POLR2F: variants seen among roughly 807,000 people sequenced by gnomAD.
The protein encoded by POLR2F is DNA-directed RNA polymerases I, II, and III subunit RPABC2.
Under a neutral mutation model 22.7 loss-of-function variants are expected in POLR2F, and 12 were observed. The observed-to-expected ratio is 0.53, with a 90% confidence interval of 0.34 to 0.86. The LOEUF is 0.86. Among genes scored for constraint, POLR2F ranks in the 40% least tolerant of loss-of-function variants. The pLI is 0.02. For missense variants in POLR2F, 126 were observed against 171.5 expected, an observed-to-expected ratio of 0.73 and a Z score of 1.48; for synonymous variants, 57 against 66.0, an observed-to-expected ratio of 0.86 and a Z score of 0.66.
rs1487796737 is a variant in POLR2F at position 37,978,165 on chromosome 22, G to A, written c.293+10995G>A. The A allele has an allele frequency of 2.6e-6, 4 of 1,513,544 alleles. No homozygotes were observed. The highest frequency in any genetic ancestry group is 3.5e-6 in the Non-Finnish European group (4 of 1,131,514). The allele number at this position is 1,513,544 out of a possible 1,614,324, so 93.8% of individuals were successfully genotyped here. A position where few individuals can be genotyped will look rare whatever the true frequency, so the allele number is the denominator to read the frequency against. On this transcript the variant is annotated intron_variant, in intron 4 of 4. Coordinates refer to the POLR2F transcript ENST00000405557. The surrounding 1 kb of genome is among the most constrained non-coding windows in gnomAD (Gnocchi z 5.0). ...GGTGTGGTGGGAGGCGGAGAGGACAGCAGAGGGGCTGGCGTGAATGCCAGA... is the reference window on the plus strand; with the variant it reads ...GGTGTGGTGGGAGGCGGAGAGGACAACAGAGGGGCTGGCGTGAATGCCAGA...
chr22:38,012,216 G>A (rs1003267793), intron 1 of POLR2F, among the ~76,000 whole-genome samples: 1 of 151,586 alleles, frequency 6.6e-6, no homozygotes, highest in African/African-American at 2.4e-5. Context: ...CCAGTAGCTC[G>A]TATTACAGAT....
At chr22:38,028,027 C>T (rs1274778886), downstream of POLR2F, among the ~76,000 whole-genome samples, 4 of 152,150 alleles carry the variant, frequency 2.6e-5, no homozygotes, top group African/African-American at 9.7e-5. Context: ...GGGAAGGAGG[C>T]GCCACAGTCA....
Position 37,968,049 on chromosome 22 carries a change from G to T in POLR2F, c.*334G>T. The T allele has an allele frequency of 9.8e-7, 1 of 1,018,204 alleles. No individual in the cohort carries two copies. The highest frequency in any genetic ancestry group is 1.2e-6 in the Non-Finnish European group (1 of 850,606). The allele number at this position is 1,018,204 out of a possible 1,614,324, so 63.1% of individuals were successfully genotyped here. On this transcript the variant is annotated 3_prime_UTR_variant, in exon 5 of 5. Transcript: ENST00000442738. ...CAGACAGACAAGTCTTTGTGCCCAG[G>T]GAGCTGGTTGCCACGGAAACCCCCA...
At chr22:38,004,670 C>T (rs573469998) in intron 1 of POLR2F, among the ~76,000 whole-genome samples, 4 of 152,272 alleles carry the variant, frequency 2.6e-5, no homozygotes, top group South Asian at 2.1e-4. Context: ...ATAGGCTGGC[C>T]GCATTGGTTC....
At chr22:38,022,329 A>G (rs1263282493) in intron 1 of POLR2F, among the ~76,000 whole-genome samples, 1 of 151,906 alleles carries the variant, frequency 6.6e-6, no homozygotes, top group African/African-American at 2.4e-5. Flanking sequence ...AGGCGGGCGG[A>G]TCACCTGAGG....
downstream of POLR2F, chr22:38,026,709 C>T (rs985066368): frequency 2.5e-5 from 5 of 199,640 alleles, no homozygotes; most frequent in East Asian, 1.3e-4. Context: ...CCTTTAAAGG[C>T]GGAGAACAAA....
In POLR2F at chr22:38,025,251, A is replaced by G. The variant is rs550097048; in HGVS notation, c.121-618A>G. 5.9e-5 allele frequency among the ~76,000 whole-genome samples: 9 copies of G among 152,158 alleles called. No homozygotes were observed. The South Asian group carries it at 1.7e-3, about 28-fold the overall frequency. ...TGTGCACTCACTTGCTCACACACAC[A>G]CACAGGCACTCATGTACTCCCACAA... is the stretch of plus-strand genomic sequence containing the variant. On this transcript the variant is annotated intron_variant, in intron 1 of 2. Coordinates refer to the POLR2F transcript ENST00000333418.
chr22:38,029,061 T>C (rs1382319277), downstream of POLR2F, among the ~76,000 whole-genome samples: 2 of 151,798 alleles, frequency 1.3e-5, no homozygotes, highest in Non-Finnish European at 2.9e-5. Context: ...AAAAAGGGAG[T>C]TCAGGGGTCT....
At chr22:37,960,316 C>T (rs980701303) in intron 3 of POLR2F, among the ~76,000 whole-genome samples, 5 of 151,982 alleles carry the variant, frequency 3.3e-5, no homozygotes, top group Admixed American at 2.0e-4. Context: ...CCCTGCCTCC[C>T]GGGTTCAAGC....
At position 37,954,233 on chromosome 22, in the gene POLR2F, A is replaced by G. The variant is rs1456450604; in HGVS notation, c.20+426A>G. On this transcript the variant is annotated intron_variant, in intron 1 of 4. Transcript: ENST00000442738. ...TTCTAGACGTATGTAGTATAGGAGT[A>G]CTCCAGAGGAGGGTCTGGGGCAGCT... Among the ~76,000 whole-genome samples the G allele has an allele frequency of 4.0e-5, 6 of 151,806 alleles. No homozygotes were observed. In the East Asian group the frequency reaches 1.2e-3, roughly 29 times the overall value.
intron 4 of POLR2F, 85 bp downstream of exon 4, chr22:37,967,255 GC>G: frequency 6.3e-7 from 1 of 1,594,854 alleles, no homozygotes; most frequent in Non-Finnish European, 8.5e-7. Flanking sequence ...GCTCCCACTT[GC>G]CTGGCTGGAG....
chr22:38,018,548 A>G (rs1353480395), intron 1 of POLR2F, among the ~76,000 whole-genome samples: 1 of 152,078 alleles, frequency 6.6e-6, no homozygotes, highest in South Asian at 2.1e-4. Context: ...ATTCTGATGG[A>G]CAATCTCTAA....
upstream of POLR2F, among the ~76,000 whole-genome samples, chr22:37,985,511 C>T (rs1160054421): frequency 6.6e-6 from 1 of 152,116 alleles, no homozygotes; most frequent in South Asian, 2.1e-4. Context: ...CTCCAAAGGT[C>T]GCAGTGCTGT....
intron 5 of POLR2F, among the ~76,000 whole-genome samples, chr22:38,033,499 C>T (rs1056194040): frequency 6.6e-6 from 1 of 152,196 alleles, no homozygotes; most frequent in Non-Finnish European, 1.5e-5. Flanking sequence ...GGGCGACAGA[C>T]AGGCCCAGCT....
chr22:37,964,023 A>G (rs939430514), intron 3 of POLR2F, among the ~76,000 whole-genome samples: 2 of 151,802 alleles, frequency 1.3e-5, no homozygotes, highest in African/African-American at 4.8e-5. Context: ...AATCGCTTGA[A>G]CCTGGGAGGC....
chr22:38,040,730 C>G, intron 5 of POLR2F: 1 of 398,424 alleles, frequency 2.5e-6, no homozygotes, highest in Middle Eastern at 7.2e-4. Context: ...CTGTGGGGGT[C>G]CTTCAGCTTC....
In POLR2F at chr22:37,953,727, C is replaced by CGAGTCGTAGCCGTGCGAGTCGCTGTTT; in HGVS notation, c.-60_-59insAGTCGTAGCCGTGCGAGTCGCTGTTTG. ...CTAGGAGCCGCGCGAGTCGTAGTGT[C>CGAGTCGTAGCCGTGCGAGTCGCTGTTT]GCTGTTTGCGGGTCTCCGCGCGGGA... On this transcript the variant is annotated 5_prime_UTR_variant, in exon 1 of 5. Transcript: ENST00000442738. The CGAGTCGTAGCCGTGCGAGTCGCTGTTT allele has an allele frequency of 6.3e-7, 1 of 1,581,376 alleles. No homozygotes were observed. The highest frequency in any genetic ancestry group is 1.8e-5 in the Admixed American group (1 of 54,254).
At position 38,016,990 on chromosome 22, in the gene POLR2F, G is replaced by A. The variant is rs560424019; in HGVS notation, c.121-8879G>A. 4.6e-5 allele frequency among the ~76,000 whole-genome samples: 7 copies of A among 152,216 alleles called. No individual in the cohort carries two copies. The East Asian group carries it at 5.8e-4, about 13-fold the overall frequency. On this transcript the variant is annotated intron_variant, in intron 1 of 2. Coordinates refer to the POLR2F transcript ENST00000333418. This position sits in a 1 kb window ranked among gnomAD's most constrained non-coding sequence, Gnocchi z 4.4. ...CCAGGCCGGGGTGCCGGGGGGCAGC[G>A]CAAGGGGCCAGCCAGCCCCCCACCC...
intron 1 of POLR2F, among the ~76,000 whole-genome samples, chr22:38,006,147 G>A (rs1376902590): frequency 1.3e-5 from 2 of 152,126 alleles, no homozygotes; most frequent in East Asian, 1.9e-4. Flanking sequence ...GGTAGAGGCT[G>A]CAGTGAGCCA....
Sources: allele counts gnomAD v4.1 joint callset (sites outside exome capture counted in the v4.1 genomes callset), GRCh38; gene constraint gnomAD v4.1.1; non-coding constraint Gnocchi (gnomAD v3.1); transcripts MANE v1.5; gene names NCBI Gene and HGNC (gene_info 2026-07-23, HGNC 2026-07-21).